The following USP47 variants were observed in gnomAD, a reference collection of about 807,000 sequenced individuals.
The protein encoded by USP47 is ubiquitin carboxyl-terminal hydrolase 47.
A neutral mutation model predicts 165.1 loss-of-function variants in USP47; 35 were observed. The ratio of observed to expected loss-of-function variants is 0.21; its 90% CI spans 0.16 to 0.28. The LOEUF is 0.28. USP47 is among the 10% of genes least tolerant of loss of function. USP47 has a pLI of 1.00. For synonymous variants in USP47, 531 were observed against 544.5 expected (o/e 0.98, Z 0.35); for missense variants, 1,277 against 1,607.4 (o/e 0.79, Z 3.52).
rs1031260475 is a variant in USP47 at position 11,958,767 on chromosome 11, C to T, written c.*2592C>T. ...GAAACAAAAGCTGTGGTTTCAGGAC[C>T]ATGCCGTGTGTAGCTGATCTGTACG... On this transcript the variant is annotated 3_prime_UTR_variant, in exon 28 of 28. Coordinates refer to ENST00000527733, the MANE Select transcript of USP47 (RefSeq NM_001282659.2). The T allele has an allele frequency of 6.6e-6, 1 of 152,222 alleles. No individual in the cohort carries two copies. The highest frequency in any genetic ancestry group is 1.9e-4 in the East Asian group (1 of 5,196). 9.4% of individuals were successfully genotyped at this position (152,222 alleles called of 1,614,324 possible).
chr11:11,934,005 A>G, intron 16 of USP47, 70 bp downstream of exon 16: 2 of 1,090,130 alleles, frequency 1.8e-6, no homozygotes, highest in Non-Finnish European at 2.8e-6. Context: ...CCAAGTTTTT[A>G]TAATGGATAA....
Position 11,920,181 on chromosome 11 carries a change from A to G in USP47, c.995A>G (p.Gln332Arg), listed in dbSNP as rs1853727627. ...SVEEALHAFI[Q>R]PEILDGPNQY... ...GAAGAAGCATTGCATGCATTTATTC[A>G]GCCAGAGATTCTGGATGGCCCAAAT... Residue 332 changes from glutamine (Q) to arginine (R), a missense_variant, in exon 9 of 28, where the codon CAG (glutamine) becomes CGG (arginine). Around this residue, in one of 4 missense-constraint regions of USP47, gnomAD observed 175 missense variants for 295.8 expected, o/e 0.59. Coordinates refer to ENST00000527733, the MANE Select transcript of USP47 (RefSeq NM_001282659.2). 1 of 1,601,286 alleles carries G rather than the reference A, an allele frequency of 6.2e-7. No homozygotes were observed. The highest frequency in any genetic ancestry group is 1.3e-5 in the African/African-American group (1 of 74,452).
At chr11:11,842,954 G>A (rs971105269) in intron 1 of USP47, among the ~76,000 whole-genome samples, 1 of 150,738 alleles carries the variant, frequency 6.6e-6, no homozygotes, top group East Asian at 2.0e-4. Flanking sequence ...CTCTTGAATA[G>A]TAGTAGAAGA....
intron 1 of USP47, among the ~76,000 whole-genome samples, chr11:11,861,905 A>G (rs935969639): frequency 6.6e-6 from 1 of 152,156 alleles, no homozygotes; most frequent in East Asian, 1.9e-4. Context: ...TCATACCATG[A>G]TACATTGAAC....
intron 3 of USP47, among the ~76,000 whole-genome samples, chr11:11,888,033 A>G (rs949012558): frequency 6.6e-6 from 1 of 152,196 alleles, no homozygotes; most frequent in Non-Finnish European, 1.5e-5. Context: ...AAGAGATAAC[A>G]TACCAGAATT....
At chr11:11,842,352 A>G in intron 1 of USP47, 128 bp downstream of exon 1, 1 of 1,105,700 alleles carries the variant, frequency 9.0e-7, no homozygotes, top group Non-Finnish European at 1.3e-6. Context: ...AGGAGGCGTG[A>G]GGCAGTCGGG....
At chr11:11,921,895 CCTT>C (rs1853863749) in intron 10 of USP47, among the ~76,000 whole-genome samples, 1 of 151,846 alleles carries the variant, frequency 6.6e-6, no homozygotes, top group African/African-American at 2.4e-5. Context: ...TTGAACCTAA[CCTT>C]CTTGAGAGAT....
chr11:11,848,607 ATTTTTTT>A (rs35165430), intron 1 of USP47, among the ~76,000 whole-genome samples: 1 of 113,482 alleles, frequency 8.8e-6, no homozygotes, highest in South Asian at 2.8e-4. Flanking sequence ...TGAAACTGGC[ATTTTTTT>A]TTTTTTTTTT....
intron 4 of USP47, 33 bp from the exon 5 acceptor site, chr11:11,897,564 T>G: frequency 1.6e-5 from 23 of 1,430,090 alleles, no homozygotes; most frequent in Non-Finnish European, 2.1e-5. Flanking sequence ...ATGTAAATGC[T>G]GATTAATGTA....
At chr11:11,854,011 T>C (rs538109184) in intron 1 of USP47, among the ~76,000 whole-genome samples, 1 of 151,168 alleles carries the variant, frequency 6.6e-6, no homozygotes, top group African/African-American at 2.4e-5. Context: ...GGTGGGCGCC[T>C]GTAGTCCCAG....
intron 8 of USP47, among the ~76,000 whole-genome samples, chr11:11,912,344 C>G (rs1853059693): frequency 6.6e-6 from 1 of 151,524 alleles, no homozygotes; most frequent in South Asian, 2.1e-4. Flanking sequence ...AAAGGGAAGG[C>G]AAAAATTTCC....
At chr11:11,896,143 A>T (rs556784485) in intron 4 of USP47, among the ~76,000 whole-genome samples, 1 of 152,206 alleles carries the variant, frequency 6.6e-6, no homozygotes, top group Non-Finnish European at 1.5e-5. Flanking sequence ...AGTACAAAAG[A>T]TCATAGAGTC....
chr11:11,936,242 G>GTATA, intron 16 of USP47, 61 bp from the exon 17 acceptor site: 1 of 797,316 alleles, frequency 1.3e-6, no homozygotes. Context: ...ATTTATATAT[G>GTATA]TATATATATA....
At chr11:11,935,749 T>C (rs148966657) in intron 16 of USP47, among the ~76,000 whole-genome samples, 44 of 152,134 alleles carry the variant, frequency 2.9e-4, no homozygotes, top group African/African-American at 9.6e-4. Flanking sequence ...GGAAATGTTA[T>C]GATAGAAATT....
At chr11:11,955,866 C>T (rs906233112) in intron 27 of USP47, 135 bp from the exon 28 acceptor site, 2 of 708,982 alleles carry the variant, frequency 2.8e-6, no homozygotes, top group Non-Finnish European at 4.5e-6. Flanking sequence ...TGGGACATCT[C>T]AGTATATAAA....
chr11:11,952,920 C>A, intron 25 of USP47, 49 bp downstream of exon 25: 1 of 1,265,342 alleles, frequency 7.9e-7, no homozygotes, highest in Non-Finnish European at 1.0e-6. Context: ...ATATGTATAT[C>A]ATAATATTAA....
chr11:11,887,607 A>G (rs528085899), intron 3 of USP47, among the ~76,000 whole-genome samples: 3 of 152,292 alleles, frequency 2.0e-5, no homozygotes, highest in African/African-American at 7.2e-5. Flanking sequence ...AGAGACTTAC[A>G]CTCCCACACA....
chr11:11,927,831 C>T (rs1854366115), intron 11 of USP47, among the ~76,000 whole-genome samples: 1 of 152,044 alleles, frequency 6.6e-6, no homozygotes, highest in Non-Finnish European at 1.5e-5. Flanking sequence ...TATCATGCTA[C>T]ATTTGGATGA....
chr11:11,842,367 G>A (rs1848174624), intron 1 of USP47, 143 bp downstream of exon 1: 7 of 947,500 alleles, frequency 7.4e-6, no homozygotes, highest in Non-Finnish European at 1.1e-5. Context: ...GTCGGGGGTG[G>A]ACGGTGGGTG....
Sources: allele counts gnomAD v4.1 joint callset (sites outside exome capture counted in the v4.1 genomes callset), GRCh38; gene constraint gnomAD v4.1.1; regional missense constraint gnomAD v4.1.1; transcripts MANE v1.5; gene names NCBI Gene and HGNC (gene_info 2026-07-23, HGNC 2026-07-21).